Variants in KCNA2 observed in about 807,000 individuals in gnomAD.
KCNA2 encodes potassium voltage-gated channel subfamily A member 2, also known as potassium channel, voltage gated shaker related subfamily A, member 2.
Under a neutral mutation model 33.4 loss-of-function variants are expected in KCNA2, and 11 were observed. The ratio of observed to expected loss-of-function variants is 0.33; its 90% confidence interval spans 0.21 to 0.55. The LOEUF is 0.55. Ranked by LOEUF, KCNA2 falls within the 20% of genes least tolerant of loss-of-function variation. KCNA2 has a pLI of 0.93. For missense variants in KCNA2, 291 were observed against 621.6 expected, an observed-to-expected ratio of 0.47 and a Z score of 5.66; for synonymous variants, 222 against 231.3, an observed-to-expected ratio of 0.96 and a Z score of 0.37.
intron 1 of KCNA2, among the ~76,000 whole-genome samples, chr1:110,628,764 T>C (rs1196524837): frequency 6.6e-6 from 1 of 152,156 alleles, no homozygotes; most frequent in African/African-American, 2.4e-5. Context: ...TCCCACACAT[T>C]ATCACCAATC....
At position 110,597,274 on chromosome 1, in the gene KCNA2, CT is replaced by C. The variant is rs1384152000; in HGVS notation, c.*6008del. The C allele has an allele frequency of 3.0e-6, 3 of 985,314 alleles. No individual in the cohort carries two copies. The highest frequency in any genetic ancestry group is 3.6e-6 in the Non-Finnish European group (3 of 829,940). 61.0% of individuals were successfully genotyped at this position (985,314 alleles called of 1,614,324 possible). On this transcript the variant is annotated 3_prime_UTR_variant, in exon 3 of 3. Transcript: ENST00000316361. ...GGGAAGCAAAAGGATCAAGTAATGGCTTTTAGTGCATGGAAATGATCTTCTG... is the reference window on the plus strand; with the variant it reads ...GGGAAGCAAAAGGATCAAGTAATGGCTTTAGTGCATGGAAATGATCTTCTG...
At chr1:110,608,697 C>A (rs1363715206), upstream of KCNA2, among the ~76,000 whole-genome samples, 1 of 152,114 alleles carries the variant, frequency 6.6e-6, no homozygotes, top group Non-Finnish European at 1.5e-5. Context: ...TTGAACCTGG[C>A]CTGTTAGTGT....
Position 110,603,179 on chromosome 1 carries a change from T to C in KCNA2, c.*104A>G. On this transcript the variant is annotated 3_prime_UTR_variant, in exon 3 of 3. Coordinates refer to ENST00000316361, the MANE Select transcript of KCNA2 (RefSeq NM_004974.4). This position sits in a 1 kb window ranked among gnomAD's most constrained non-coding sequence, Gnocchi z 5.7. The stretch of plus-strand genomic sequence containing the variant: ...TCACTTGCACAACTATTGCTTTCCA[T>C]GCAGAACCAGATACACACTGTAGAA... 6.7e-7 allele frequency: 1 copy of C among 1,494,426 alleles called. No individual in the cohort carries two copies. The highest frequency in any genetic ancestry group is 1.4e-5 in the South Asian group (1 of 69,630). The allele number at this position is 1,494,426 out of a possible 1,614,324, so 92.6% of individuals were successfully genotyped here.
chr1:110,605,259 CT>C (rs1649546353), intron 2 of KCNA2, 131 bp downstream of exon 2: 1 of 162,768 alleles, frequency 6.1e-6, no homozygotes, highest in East Asian at 1.8e-4. Flanking sequence ...CTCCCAGGTG[CT>C]GCACTAATGT....
At chr1:110,617,824 G>T (rs1029745011) in intron 1 of KCNA2, among the ~76,000 whole-genome samples, 6 of 152,220 alleles carry the variant, frequency 3.9e-5, no homozygotes, top group African/African-American at 1.4e-4. Flanking sequence ...ATGTGTCGAG[G>T]GATGGAGCTC....
At chr1:110,627,828 CAA>C (rs368198999) in intron 1 of KCNA2, among the ~76,000 whole-genome samples, 10 of 125,122 alleles carry the variant, frequency 8.0e-5, no homozygotes, top group African/African-American at 5.9e-5. Context: ...GACCCTGTCT[CAA>C]AAAAAAAAAA....
chr1:110,606,170 C>A, intron 1 of KCNA2, 58 bp downstream of exon 1: 1 of 153,180 alleles, frequency 6.5e-6, no homozygotes, highest in Non-Finnish European at 1.5e-5. Flanking sequence ...CTTCAGAGCG[C>A]ATCTAGGGAG....
chr1:110,604,792 T>C lies in KCNA2; in HGVS notation c.-10A>G, dbSNP rs1263880555. 1 of 1,606,068 alleles carries C rather than the reference T, an allele frequency of 6.2e-7. No homozygotes were observed. The highest frequency in any genetic ancestry group is 1.7e-5 in the Admixed American group (1 of 59,224). On this transcript the variant is annotated 5_prime_UTR_variant, in exon 3 of 3. Transcript: ENST00000316361. This position sits in a 1 kb window ranked among gnomAD's most constrained non-coding sequence, Gnocchi z 7.6. ...CGGTGGCCACTGTCATAATTGGGAC[T>C]GAGAGAAGCACCTCACGCTATGCCT...
chr1:110,608,896 A>T (rs1172416881), upstream of KCNA2, among the ~76,000 whole-genome samples: 1 of 152,218 alleles, frequency 6.6e-6, no homozygotes, highest in Non-Finnish European at 1.5e-5. Context: ...CACTGAATGC[A>T]TGATGATTTC....
rs184441291 is a variant in KCNA2, at chr1:110,595,157, A to G, written c.*8126T>C. 1.1e-3 allele frequency: 1,130 copies of G among 985,400 alleles called. 3 individuals carry two copies. Among genetic ancestry groups the G allele is most frequent in the Non-Finnish European group, 1.2e-3 (1,011 of 829,912 alleles). 61.0% of individuals were successfully genotyped at this position (985,400 alleles called of 1,614,324 possible). A position where few individuals can be genotyped will look rare whatever the true frequency, so the allele number is the denominator to read the frequency against. On this transcript the variant is annotated 3_prime_UTR_variant, in exon 3 of 3. Coordinates refer to ENST00000316361, the MANE Select transcript of KCNA2 (RefSeq NM_004974.4). ...CACAGCCACATCTACACTGCCCTCAATGATCTAGATGTTGCAGTAGCTGTC... is the reference window on the plus strand; with the variant it reads ...CACAGCCACATCTACACTGCCCTCAGTGATCTAGATGTTGCAGTAGCTGTC...
At chr1:110,615,531 A>G (rs930024135) in intron 1 of KCNA2, among the ~76,000 whole-genome samples, 6 of 152,256 alleles carry the variant, frequency 3.9e-5, no homozygotes, top group African/African-American at 7.2e-5. Context: ...GGTCACTAGA[A>G]TGGGGCTATT....
chr1:110,608,945 T>C (rs1032429), upstream of KCNA2, among the ~76,000 whole-genome samples: 35,324 of 152,112 alleles, frequency 0.23, 6,518 homozygotes, highest in African/African-American at 0.47. Flanking sequence ...TCATAGCTCT[T>C]AGCTTCCAGC....
At chr1:110,628,953 A>T (rs556772784) in intron 1 of KCNA2, among the ~76,000 whole-genome samples, 3 of 152,336 alleles carry the variant, frequency 2.0e-5, no homozygotes, top group Admixed American at 6.5e-5. Context: ...CCTGGGAATC[A>T]TGGTGGTGCT....
At position 110,593,835 on chromosome 1, in the gene KCNA2, G is replaced by C; in HGVS notation, c.*9448C>G. ...GAACTCTCAGCTGCAGAAGTCCTGG[G>C]TGGGGCAGTGTTGGTGGGGCTGAAA... On this transcript the variant is annotated 3_prime_UTR_variant, in exon 3 of 3. Transcript: ENST00000316361. The C allele has an allele frequency of 6.5e-7, 1 of 1,547,272 alleles. No homozygotes were observed.
rs527709220 is a variant in KCNA2 at position 110,599,818 on chromosome 1, T to C, written c.*3465A>G. 2.0e-6 allele frequency: 2 copies of C among 985,512 alleles called. No homozygotes were observed. The highest frequency in any genetic ancestry group is 2.4e-6 in the Non-Finnish European group (2 of 830,054). The allele number at this position is 985,512 out of a possible 1,614,324, so 61.0% of individuals were successfully genotyped here. A position where few individuals can be genotyped will look rare whatever the true frequency, so the allele number is the denominator to read the frequency against. The stretch of plus-strand genomic sequence containing the variant: ...AAGGGGAGCCTGGGCTATTGGGTTG[T>C]CTGTGCGGATTTGCTGGAAGGAAGG... On this transcript the variant is annotated 3_prime_UTR_variant, in exon 3 of 3. Transcript: ENST00000316361.
In KCNA2 at chr1:110,599,814, G is replaced by A; in HGVS notation, c.*3469C>T. ...GGAGAAGGGGAGCCTGGGCTATTGG[G>A]TTGTCTGTGCGGATTTGCTGGAAGG... is the stretch of plus-strand genomic sequence containing the variant. On this transcript the variant is annotated 3_prime_UTR_variant, in exon 3 of 3. Transcript: ENST00000316361. 2 of 985,592 alleles carry A rather than the reference G, an allele frequency of 2.0e-6. No homozygotes were observed. The highest frequency in any genetic ancestry group is 2.4e-6 in the Non-Finnish European group (2 of 830,092). 61.1% of individuals were successfully genotyped at this position (985,592 alleles called of 1,614,324 possible).
At position 110,600,586 on chromosome 1, in the gene KCNA2, A is replaced by C. The variant is rs1449307049; in HGVS notation, c.*2697T>G. 1 of 985,178 alleles carries C rather than the reference A, an allele frequency of 1.0e-6. No individual in the cohort carries two copies. The highest frequency in any genetic ancestry group is 1.2e-6 in the Non-Finnish European group (1 of 829,912). 61.0% of individuals were successfully genotyped at this position (985,178 alleles called of 1,614,324 possible). A position where few individuals can be genotyped will look rare whatever the true frequency, so the allele number is the denominator to read the frequency against. On this transcript the variant is annotated 3_prime_UTR_variant, in exon 3 of 3. Coordinates refer to ENST00000316361, the MANE Select transcript of KCNA2 (RefSeq NM_004974.4). Reference sequence around the variant, plus strand: ...GTTTGTGTGTGACAACAGTGTACCTATTTTGTGGTGAATGTGCATGACTGT... The same window carrying C: ...GTTTGTGTGTGACAACAGTGTACCTCTTTTGTGGTGAATGTGCATGACTGT...
chr1:110,610,410 C>T (rs1424737776), upstream of KCNA2, among the ~76,000 whole-genome samples: 1 of 152,222 alleles, frequency 6.6e-6, no homozygotes, highest in Non-Finnish European at 1.5e-5. Context: ...CCCATCCACC[C>T]ATGTGCTGGC....
upstream of KCNA2, among the ~76,000 whole-genome samples, chr1:110,610,918 A>G (rs1013951554): frequency 2.6e-5 from 4 of 152,194 alleles, no homozygotes; most frequent in Non-Finnish European, 4.4e-5. Flanking sequence ...GTGCGACCCA[A>G]GCTCACTCAC....
Sources: allele counts gnomAD v4.1 joint callset (sites outside exome capture counted in the v4.1 genomes callset), GRCh38; gene constraint gnomAD v4.1.1; non-coding constraint Gnocchi (gnomAD v3.1); transcripts MANE v1.5; gene names NCBI Gene and HGNC (gene_info 2026-07-23, HGNC 2026-07-21).